The following PRKG1 variants were observed in gnomAD, a reference collection of about 807,000 sequenced individuals.
The protein encoded by PRKG1 is cGMP-dependent protein kinase 1.
PRKG1 carries 35 observed loss-of-function variants against 88.1 expected under a neutral mutation model. That is an observed-to-expected ratio of 0.40 (90% CI 0.30 to 0.53). PRKG1 has a LOEUF of 0.53. PRKG1 is among the 20% of genes least tolerant of loss of function. PRKG1 has a pLI of 0.59. For synonymous variants in PRKG1, 303 were observed against 292.5 expected, an observed-to-expected ratio of 1.04 and a Z score of -0.37; for missense variants, 540 against 839.8, an observed-to-expected ratio of 0.64 and a Z score of 4.41.
intron 3 of PRKG1, among the ~76,000 whole-genome samples, chr10:51,515,416 A>G (rs1841549351): frequency 6.6e-6 from 1 of 152,196 alleles, no homozygotes; most frequent in Non-Finnish European, 1.5e-5. Flanking sequence ...ATAGTGTGGT[A>G]TATCCAAATA....
At chr10:51,751,742 T>A (rs1837730899) in intron 3 of PRKG1, among the ~76,000 whole-genome samples, 1 of 152,116 alleles carries the variant, frequency 6.6e-6, no homozygotes, top group Non-Finnish European at 1.5e-5. Flanking sequence ...AGCCAGCAGA[T>A]CTTGTAGTTT....
chr10:51,003,321 A>G (rs1277812613), intron 1 of PRKG1, among the ~76,000 whole-genome samples: 2 of 152,216 alleles, frequency 1.3e-5, no homozygotes, highest in African/African-American at 2.4e-5. Context: ...TTCCCGAAGT[A>G]TAGCAGCAGG....
intron 4 of PRKG1, among the ~76,000 whole-genome samples, chr10:51,895,472 G>A (rs1445837611): frequency 6.6e-6 from 1 of 152,024 alleles, no homozygotes; most frequent in Non-Finnish European, 1.5e-5. Context: ...TTCCTGCCCT[G>A]TCATTTTGCC....
intron 2 of PRKG1, among the ~76,000 whole-genome samples, chr10:51,232,577 A>G (rs1455809521): frequency 6.6e-6 from 1 of 152,180 alleles, no homozygotes; most frequent in Non-Finnish European, 1.5e-5. Flanking sequence ...AAACCTACAA[A>G]AAAGACACAG....
intron 7 of PRKG1, among the ~76,000 whole-genome samples, chr10:52,106,231 T>C (rs1052010540): frequency 1.3e-5 from 2 of 152,330 alleles, no homozygotes; most frequent in East Asian, 3.9e-4. Context: ...GAATTGGACC[T>C]GTTGGAGATG....
At chr10:52,293,222 T>C (rs1487108634) in intron 17 of PRKG1, among the ~76,000 whole-genome samples, 1 of 151,460 alleles carries the variant, frequency 6.6e-6, no homozygotes, top group Non-Finnish European at 1.5e-5. Flanking sequence ...AAGGACCTCT[T>C]CAAGGAGAAC....
intron 3 of PRKG1, among the ~76,000 whole-genome samples, chr10:51,680,497 T>C (rs970605377): frequency 3.3e-5 from 5 of 152,234 alleles, no homozygotes; most frequent in Admixed American, 3.3e-4. Context: ...CAATTCACAC[T>C]CAAGGCCTGC....
chr10:51,282,437 A>G (rs1245441713), intron 2 of PRKG1, among the ~76,000 whole-genome samples: 3 of 152,194 alleles, frequency 2.0e-5, no homozygotes, highest in Non-Finnish European at 2.9e-5. Flanking sequence ...AACAATGCTT[A>G]CAGAATTTGT....
At chr10:51,850,279 C>T (rs984423373) in intron 4 of PRKG1, among the ~76,000 whole-genome samples, 4 of 152,096 alleles carry the variant, frequency 2.6e-5, no homozygotes, top group Admixed American at 6.6e-5. Flanking sequence ...CGGGTTCAAG[C>T]GATTCTCCTG....
intron 3 of PRKG1, among the ~76,000 whole-genome samples, chr10:51,592,610 A>G (rs1838340145): frequency 6.6e-6 from 1 of 152,180 alleles, no homozygotes; most frequent in Admixed American, 6.6e-5. Flanking sequence ...CAAGAACAGC[A>G]GACACCATAC....
chr10:51,648,039 T>TACAC (rs3087021), intron 3 of PRKG1, among the ~76,000 whole-genome samples: 120 of 150,002 alleles, frequency 8.0e-4, no homozygotes, highest in African/African-American at 2.7e-3. Context: ...TGGTTACACA[T>TACAC]ACACACACAC....
intron 2 of PRKG1, chr10:51,245,360 T>C (rs1839262225): frequency 6.6e-6 from 1 of 152,106 alleles, no homozygotes; most frequent in Admixed American, 6.6e-5. Flanking sequence ...ATCTTTCAAC[T>C]ACAACTCTGC....
chr10:51,383,304 G>C (rs1837159379), intron 2 of PRKG1, among the ~76,000 whole-genome samples: 1 of 152,060 alleles, frequency 6.6e-6, no homozygotes, highest in African/African-American at 2.4e-5. Flanking sequence ...GTAGAATGAG[G>C]AGGAGTAGAA....
intron 5 of PRKG1, among the ~76,000 whole-genome samples, chr10:51,968,522 A>C (rs972382498): frequency 6.6e-6 from 1 of 152,016 alleles, no homozygotes; most frequent in African/African-American, 2.4e-5. Flanking sequence ...GATGGTATTA[A>C]TAATAATAGT....
At chr10:51,013,181 A>T (rs922274884) in intron 1 of PRKG1, among the ~76,000 whole-genome samples, 2 of 149,070 alleles carry the variant, frequency 1.3e-5, no homozygotes, top group African/African-American at 2.5e-5. Context: ...CTTATTTTTC[A>T]TCTGCAAAAT....
rs115368447 is a variant in PRKG1 at position 52,108,326 on chromosome 10, A to G, written c.936-25514A>G. On this transcript the variant is annotated intron_variant, in intron 7 of 17. Transcript: ENST00000373980. ...GAAGTAATGGCTTTCAATCTGTATG[A>G]TAGTTAGTGACATAACCTTTTGAGA... Among the ~76,000 whole-genome samples the G allele has an allele frequency of 3.3e-3, 496 of 152,320 alleles. 2 individuals are homozygous for G. Among genetic ancestry groups the G allele is most frequent in the African/African-American group, 0.011 (468 of 41,558 alleles).
At chr10:51,035,243 A>T (rs1843338804) in intron 1 of PRKG1, among the ~76,000 whole-genome samples, 1 of 152,168 alleles carries the variant, frequency 6.6e-6, no homozygotes, top group Non-Finnish European at 1.5e-5. Context: ...TGTTTAATTC[A>T]TAGGGTTATT....
chr10:52,277,984 A>G (rs1841914294), intron 12 of PRKG1, among the ~76,000 whole-genome samples: 1 of 152,174 alleles, frequency 6.6e-6, no homozygotes, highest in Non-Finnish European at 1.5e-5. Flanking sequence ...AGGCCCACTC[A>G]AATCACAATT....
intron 3 of PRKG1, among the ~76,000 whole-genome samples, chr10:51,565,998 C>A (rs187920388): frequency 6.6e-6 from 1 of 152,026 alleles, no homozygotes. Context: ...ATATAGCAGA[C>A]TTATTCCTGG....
Sources: allele counts gnomAD v4.1 joint callset (sites outside exome capture counted in the v4.1 genomes callset), GRCh38; gene constraint gnomAD v4.1.1; transcripts MANE v1.5; gene names NCBI Gene and HGNC (gene_info 2026-07-23, HGNC 2026-07-21).